The following FHOD3 variants were observed in gnomAD, a reference collection of about 807,000 sequenced individuals.
FHOD3 encodes FH1/FH2 domain-containing protein 3.
A neutral mutation model predicts 173.0 loss-of-function variants in FHOD3; 90 were observed. That is an observed-to-expected ratio of 0.52 (90% CI 0.44 to 0.62). The LOEUF is 0.62. Among genes scored for constraint, FHOD3 ranks in the 20% least tolerant of loss-of-function variants. The pLI is 0.00. For synonymous variants in FHOD3, 828 were observed against 823.0 expected (o/e 1.01, Z -0.10); for missense variants, 1,945 against 2,034.7 (o/e 0.96, Z 0.85).
rs138052316 is a variant in FHOD3 at position 36,482,858 on chromosome 18, CAGAGAGAGAGAGAGAG to C, written c.338-19052_338-19037del. 7.7e-3 allele frequency among the ~76,000 whole-genome samples: 1,002 copies of C among 130,442 alleles called. 18 individuals are homozygous for C. The highest frequency in any genetic ancestry group is 0.026 in the African/African-American group (833 of 32,244). The allele number at this position is 130,442 out of a possible 152,430, so 85.6% of individuals were successfully genotyped here. A position where few individuals can be genotyped will look rare whatever the true frequency, so the allele number is the denominator to read the frequency against. Reference sequence around the variant, plus strand: ...ACACACACACACACTCACACACACACAGAGAGAGAGAGAGAGAGAGAGAGAGAGAGAGAGAGAACGA... The same window carrying C: ...ACACACACACACACTCACACACACACAGAGAGAGAGAGAGAGAGAGAACGA... On this transcript the variant is annotated intron_variant, in intron 3 of 28. Transcript: ENST00000590592.
intron 11 of FHOD3, 67 bp from the exon 12 acceptor site, chr18:36,652,503 C>T (rs2036127775): frequency 1.4e-6 from 2 of 1,462,050 alleles, no homozygotes; most frequent in Non-Finnish European, 1.8e-6. Context: ...TCTCTTTTTC[C>T]TAACCTTTGC....
At chr18:36,761,360 G>A (rs1219599960) in intron 27 of FHOD3, among the ~76,000 whole-genome samples, 1 of 152,184 alleles carries the variant, frequency 6.6e-6, no homozygotes, top group African/African-American at 2.4e-5. Context: ...AAGGGATTAA[G>A]ATGCATTTGA....
chr18:36,672,097 C>T (rs1168101061), intron 14 of FHOD3, among the ~76,000 whole-genome samples: 1 of 152,028 alleles, frequency 6.6e-6, no homozygotes, highest in African/African-American at 2.4e-5. Flanking sequence ...TCTTAGGGGA[C>T]ATTTTAGGGG....
At chr18:36,610,351 T>A (rs1470314008) in intron 8 of FHOD3, among the ~76,000 whole-genome samples, 1 of 152,238 alleles carries the variant, frequency 6.6e-6, no homozygotes, top group Non-Finnish European at 1.5e-5. Context: ...CTTTGAATGA[T>A]GTGCAATTTT....
rs531918886 is a variant in FHOD3, at chr18:36,647,168, G to A, written c.1197-2148G>A. Among the ~76,000 whole-genome samples, 15 of 152,328 alleles carry A rather than the reference G, an allele frequency of 9.8e-5. No individual in the cohort carries two copies. The East Asian group carries it at 2.1e-3, about 22-fold the overall frequency. ...GAGGCAGGAGAATCGCTTGACCCGG[G>A]AGGCAGAGGTTGCAGTGAGCCAAGA... On this transcript the variant is annotated intron_variant, in intron 10 of 28. Transcript: ENST00000590592.
chr18:36,470,233 T>G (rs2053201373), intron 3 of FHOD3, among the ~76,000 whole-genome samples: 1 of 152,136 alleles, frequency 6.6e-6, no homozygotes, highest in Admixed American at 6.5e-5. Flanking sequence ...CCATCCGGTT[T>G]TGCTCACCAT....
At chr18:36,510,090 G>T (rs1568364900) in intron 4 of FHOD3, among the ~76,000 whole-genome samples, 1 of 152,184 alleles carries the variant, frequency 6.6e-6, no homozygotes, top group Non-Finnish European at 1.5e-5. Flanking sequence ...AGGTGTGGAA[G>T]TTCTTTTCCA....
chr18:36,499,975 C>T (rs2054944107), intron 3 of FHOD3, among the ~76,000 whole-genome samples: 1 of 152,212 alleles, frequency 6.6e-6, no homozygotes, highest in South Asian at 2.1e-4. Context: ...GACCCCCACC[C>T]TACAGTATCT....
At chr18:36,736,778 T>C (rs779234830) in intron 20 of FHOD3, among the ~76,000 whole-genome samples, 25 of 151,898 alleles carry the variant, frequency 1.6e-4, no homozygotes, top group Non-Finnish European at 7.4e-5. Flanking sequence ...AACACTCGAG[T>C]GGGAAAATAG....
At chr18:36,694,143 C>A (rs182536700) in intron 17 of FHOD3, among the ~76,000 whole-genome samples, 45 of 152,294 alleles carry the variant, frequency 3.0e-4, no homozygotes, top group Admixed American at 1.3e-3. Context: ...AGCGTTTACA[C>A]AGTGTGTGTT....
chr18:36,389,176 CA>C (rs946254420), intron 3 of FHOD3, among the ~76,000 whole-genome samples: 51 of 150,736 alleles, frequency 3.4e-4, no homozygotes, highest in African/African-American at 1.0e-3. Flanking sequence ...ATTGATGCTT[CA>C]AAAAAAAAGA....
chr18:36,621,147 G>T (rs2033674261), intron 9 of FHOD3, among the ~76,000 whole-genome samples: 1 of 152,128 alleles, frequency 6.6e-6, no homozygotes. Context: ...TGACAGAAAA[G>T]AAAATATTTT....
intron 3 of FHOD3, among the ~76,000 whole-genome samples, chr18:36,472,029 T>C (rs2053314586): frequency 6.6e-6 from 1 of 152,164 alleles, no homozygotes; most frequent in African/African-American, 2.4e-5. Flanking sequence ...ATCCTCAAAC[T>C]CAGATAATGA....
intron 1 of FHOD3, among the ~76,000 whole-genome samples, chr18:36,338,949 G>A (rs1175726298): frequency 6.6e-6 from 1 of 152,154 alleles, no homozygotes; most frequent in Non-Finnish European, 1.5e-5. Context: ...CAGAGGGGAA[G>A]TTCTGAACAG....
chr18:36,320,229 A>T (rs947421254), intron 1 of FHOD3, among the ~76,000 whole-genome samples: 3 of 152,234 alleles, frequency 2.0e-5, no homozygotes, highest in Non-Finnish European at 2.9e-5. Context: ...AAATAGACAG[A>T]CTGCTAGTAA....
In FHOD3 at chr18:36,625,586, A is replaced by G; in HGVS notation, c.1033A>G (p.Ser345Gly). The change falls in exon 10 of 29, where the codon AGC becomes GGC. Residue 345 changes from serine (S) to glycine (G), a missense_variant. Transcript: ENST00000590592. ...PSGCRDRRRA[S>G]VCSSGGGEHR... ...TGGGTGCCGGGACCGGAGGAGGGCCAGCGTGTGTTCCAGTGGCGGAGGCGA... is the reference window on the plus strand; with the variant it reads ...TGGGTGCCGGGACCGGAGGAGGGCCGGCGTGTGTTCCAGTGGCGGAGGCGA... 1 of 1,570,486 alleles carries G rather than the reference A, an allele frequency of 6.4e-7. No individual in the cohort carries two copies. Among genetic ancestry groups the G allele is most frequent in the Non-Finnish European group, 8.7e-7 (1 of 1,151,854 alleles).
chr18:36,649,619 C>T (rs1298971736), intron 11 of FHOD3, among the ~76,000 whole-genome samples: 1 of 152,158 alleles, frequency 6.6e-6, no homozygotes, highest in African/African-American at 2.4e-5. Context: ...TGAAATCCTA[C>T]CTTCCTAACC....
chr18:36,557,325 T>A (rs1254775806), intron 5 of FHOD3, among the ~76,000 whole-genome samples: 3 of 151,784 alleles, frequency 2.0e-5, no homozygotes, highest in African/African-American at 2.4e-5. Flanking sequence ...TTATTTTAAA[T>A]TTTTTTTTAA....
chr18:36,643,410 C>A (rs2035469471), intron 10 of FHOD3, among the ~76,000 whole-genome samples: 1 of 152,002 alleles, frequency 6.6e-6, no homozygotes, highest in Admixed American at 6.6e-5. Context: ...AAAAATGTCT[C>A]CAGATGCTGA....
Sources: gnomAD v4.1 joint callset for allele counts (sites outside exome capture counted in the v4.1 genomes callset) on GRCh38, gnomAD v4.1.1 for gene constraint, MANE v1.5 for transcripts, NCBI Gene and HGNC (gene_info 2026-07-23, HGNC 2026-07-21) for gene names.